Variants in KIAA1755 observed in about 807,000 individuals in gnomAD.
The protein encoded by KIAA1755 is KIAA1755.
A neutral mutation model predicts 91.7 loss-of-function variants in KIAA1755; 68 were observed. The observed-to-expected ratio is 0.74, with a 90% confidence interval of 0.61 to 0.91. The LOEUF is 0.91. Ranked by LOEUF, KIAA1755 falls within the 40% of genes least tolerant of loss-of-function variation. The pLI is 0.00. For synonymous variants in KIAA1755, 610 were observed against 604.6 expected (o/e 1.01, Z -0.13); for missense variants, 1,535 against 1,494.4 (o/e 1.03, Z -0.45).
At chr20:38,217,225 A>G (rs56345549) in intron 13 of KIAA1755, 28 bp downstream of exon 13, 2 of 1,557,334 alleles carry the variant, frequency 1.3e-6, no homozygotes, top group Non-Finnish European at 1.7e-6. Context: ...ATCGGGGGGT[A>G]TCTGTGCAGG....
chr20:38,259,823 CA>C (rs780430502), intron 1 of KIAA1755, among the ~76,000 whole-genome samples: 3,945 of 70,264 alleles, frequency 0.056, 82 homozygotes, highest in Middle Eastern at 0.22. Flanking sequence ...ACCACCACCA[CA>C]CACACACACA....
intron 4 of KIAA1755, among the ~76,000 whole-genome samples, chr20:38,234,104 T>G (rs190802634): frequency 6.9e-4 from 105 of 152,250 alleles, no homozygotes; most frequent in Non-Finnish European, 1.1e-3. Context: ...ACTTCCAGCC[T>G]CCAGACCTAT....
chr20:38,222,329 C>T, intron 10 of KIAA1755, 120 bp downstream of exon 10: 1 of 1,062,032 alleles, frequency 9.4e-7, no homozygotes, highest in Non-Finnish European at 1.4e-6. Context: ...CCTGCAACTA[C>T]TGCAAAGCTG....
At chr20:38,235,158 TA>T (rs1263145079) in intron 4 of KIAA1755, among the ~76,000 whole-genome samples, 1 of 152,222 alleles carries the variant, frequency 6.6e-6, no homozygotes, top group Non-Finnish European at 1.5e-5. Context: ...TATTTATGGA[TA>T]TTTAAAATGT....
At position 38,240,849 on chromosome 20, in the gene KIAA1755, C is replaced by T; in HGVS notation, c.1282G>A (p.Ala428Thr). The change falls in exon 3 of 14, where the codon GCT becomes ACT. Residue 428 changes from alanine (A) to threonine (T), a missense_variant. Coordinates refer to ENST00000279024, the MANE Select transcript of KIAA1755 (RefSeq NM_001029864.2). The part of the protein sequence containing the change: ...RQASSPRLSP[A>T]SPAAAASETK... ...TCAGAGGCTGCAGCTGCAGGAGAAG[C>T]TGGGGACAGGCGGGGAGAGGAGGCT... The T allele has an allele frequency of 6.2e-7, 1 of 1,614,172 alleles. No individual in the cohort carries two copies. The highest frequency in any genetic ancestry group is 1.1e-5 in the South Asian group (1 of 91,080).
chr20:38,251,314 G>A (rs2076246009), intron 1 of KIAA1755, among the ~76,000 whole-genome samples: 1 of 152,100 alleles, frequency 6.6e-6, no homozygotes, highest in African/African-American at 2.4e-5. Flanking sequence ...ATTTGAAAGG[G>A]ACTGATTGTC....
chr20:38,218,249 C>T lies in KIAA1755; in HGVS notation c.2674G>A (p.Ala892Thr). ...CTCTGTTGTCTGGAACGCACTGCAG[C>T]CTGGAGGAAGAAGTTCTCAAATTCT... ...HAEFENFFLQAAAQYRRGLEL... is the reference protein window; with the variant it reads ...HAEFENFFLQTAAQYRRGLEL... Residue 892 changes from alanine (A) to threonine (T), a missense_variant, in exon 12 of 14, where the codon GCT becomes ACT. Physicochemically the swap from Ala to Thr is moderately conservative, Grantham distance 58. Coordinates refer to ENST00000279024, the MANE Select transcript of KIAA1755 (RefSeq NM_001029864.2). 1 of 1,614,202 alleles carries T rather than the reference C, an allele frequency of 6.2e-7. No homozygotes were observed. Among genetic ancestry groups the T allele is most frequent in the South Asian group, 1.1e-5 (1 of 91,090 alleles).
chr20:38,229,707 C>T (rs1224030026), intron 5 of KIAA1755, among the ~76,000 whole-genome samples: 1 of 152,212 alleles, frequency 6.6e-6, no homozygotes, highest in Non-Finnish European at 1.5e-5. Context: ...CCTCTACACC[C>T]CCTCATCCCT....
rs1411138767 is a variant in KIAA1755 at position 38,213,030 on chromosome 20, G to A, written c.*12C>T. ...GCTCCTGGAGGCTGGTGCGACTGAA[G>A]GGGCCTCTCAGCTAGAGGGAGGCAA... On this transcript the variant is annotated 3_prime_UTR_variant, in exon 14 of 14. Transcript: ENST00000279024. 3.8e-5 allele frequency: 58 copies of A among 1,519,850 alleles called. No individual in the cohort carries two copies. The highest frequency in any genetic ancestry group is 5.1e-5 in the Non-Finnish European group (58 of 1,131,258). The allele number at this position is 1,519,850 out of a possible 1,614,324, so 94.1% of individuals were successfully genotyped here.
At chr20:38,229,925 A>G (rs1360766838) in intron 5 of KIAA1755, among the ~76,000 whole-genome samples, 2 of 152,194 alleles carry the variant, frequency 1.3e-5, no homozygotes, top group Non-Finnish European at 2.9e-5. Flanking sequence ...ACCTTGGACA[A>G]GAAGAAAAAA....
At chr20:38,215,089 G>T (rs1702866358) in intron 13 of KIAA1755, among the ~76,000 whole-genome samples, 1 of 152,232 alleles carries the variant, frequency 6.6e-6, no homozygotes, top group Non-Finnish European at 1.5e-5. Flanking sequence ...CTGGTGCTGG[G>T]CTGTCCCATC....
chr20:38,240,722 C>G lies in KIAA1755; in HGVS notation c.1409G>C (p.Gly470Ala), dbSNP rs375920228. Residue 470 changes from glycine (G) to alanine (A), a missense_variant, in exon 3 of 14, where the codon GGG (glycine) becomes GCG (alanine). Transcript: ENST00000279024. Reference protein sequence around the residue: ...NTSSPEPPTPGLKFSFLRGQR... With the variant: ...NTSSPEPPTPALKFSFLRGQR... Reference sequence around the variant, plus strand: ...CCCTCTCAAGAATGAGAATTTGAGCCCAGGAGTGGGGGGCTCAGGGGAGGA... The same window carrying G: ...CCCTCTCAAGAATGAGAATTTGAGCGCAGGAGTGGGGGGCTCAGGGGAGGA... The G allele has an allele frequency of 3.8e-5, 59 of 1,569,048 alleles. No individual in the cohort carries two copies. The highest frequency in any genetic ancestry group is 4.9e-5 in the Non-Finnish European group (57 of 1,158,390).
rs1403318924 is a variant in KIAA1755 at position 38,210,845 on chromosome 20, C to G, written c.*2197G>C. The G allele has an allele frequency of 6.6e-6, 1 of 152,250 alleles. No homozygotes were observed. Among genetic ancestry groups the G allele is most frequent in the Non-Finnish European group, 1.5e-5 (1 of 68,054 alleles). The allele number at this position is 152,250 out of a possible 1,614,324, so 9.4% of individuals were successfully genotyped here. ...GCATTTTAAAAGCCGTCGGCCCTCTCTGAGGCAACAGGCATGGATGGAGAT... is the reference window on the plus strand; with the variant it reads ...GCATTTTAAAAGCCGTCGGCCCTCTGTGAGGCAACAGGCATGGATGGAGAT... On this transcript the variant is annotated 3_prime_UTR_variant, in exon 14 of 14. Transcript: ENST00000279024.
At chr20:38,257,178 C>T (rs2076353254) in intron 1 of KIAA1755, among the ~76,000 whole-genome samples, 1 of 152,206 alleles carries the variant, frequency 6.6e-6, no homozygotes, top group Admixed American at 6.5e-5. Flanking sequence ...TCTCCATGGA[C>T]TGCCAGCCCC....
At chr20:38,260,320 G>A in intron 1 of KIAA1755, 178 bp downstream of exon 1, 8 of 1,555,104 alleles carry the variant, frequency 5.1e-6, no homozygotes, top group Non-Finnish European at 7.0e-6. Context: ...GCCAGAGATG[G>A]GCTCCTGCCC....
At chr20:38,228,736 A>C (rs770337192) in intron 5 of KIAA1755, among the ~76,000 whole-genome samples, 1 of 152,224 alleles carries the variant, frequency 6.6e-6, no homozygotes, top group African/African-American at 2.4e-5. Context: ...AAAGTTTTCC[A>C]GGGAAAGAGG....
At chr20:38,232,187 A>G (rs1326411625) in intron 4 of KIAA1755, among the ~76,000 whole-genome samples, 1 of 152,136 alleles carries the variant, frequency 6.6e-6, no homozygotes, top group African/African-American at 2.4e-5. Context: ...CGTGGGCACC[A>G]CCCTCTGCAG....
intron 13 of KIAA1755, among the ~76,000 whole-genome samples, chr20:38,215,150 T>C (rs187462159): frequency 7.9e-5 from 12 of 152,322 alleles, no homozygotes; most frequent in Non-Finnish European, 1.6e-4. Flanking sequence ...TGGACAGAGA[T>C]GGATAGCACC....
chr20:38,242,489 T>G (rs2076086781), intron 2 of KIAA1755, among the ~76,000 whole-genome samples: 1 of 152,232 alleles, frequency 6.6e-6, no homozygotes, highest in Non-Finnish European at 1.5e-5. Flanking sequence ...CATCATAAAT[T>G]GAAACTATCA....
Sources: gnomAD v4.1 joint callset for allele counts (sites outside exome capture counted in the v4.1 genomes callset) on GRCh38, gnomAD v4.1.1 for gene constraint, MANE v1.5 for transcripts, NCBI Gene and HGNC (gene_info 2026-07-23, HGNC 2026-07-21) for gene names.